The following HEMK1 variants were observed in gnomAD, a reference collection of about 807,000 sequenced individuals.
HEMK1 encodes MTRF1L release factor glutamine methyltransferase.
In HEMK1, 36 loss-of-function variants were observed where a neutral mutation model predicts 47.9. That is an observed-to-expected ratio of 0.75 (90% CI 0.58 to 0.99). The LOEUF is 0.99. Ranked by LOEUF, HEMK1 falls within the 50% of genes least tolerant of loss-of-function variation. The pLI is 0.00. For missense variants in HEMK1, 383 were observed against 434.5 expected (o/e 0.88, Z 1.05); for synonymous variants, 153 against 165.4 (o/e 0.93, Z 0.57).
intron 4 of HEMK1, 27 bp downstream of exon 4, chr3:50,572,235 G>T (rs1701077710): frequency 6.2e-7 from 1 of 1,604,788 alleles, no homozygotes; most frequent in East Asian, 2.3e-5. Flanking sequence ...GGCAAGGCAG[G>T]ATCAGGATGA....
intron 7 of HEMK1, among the ~76,000 whole-genome samples, chr3:50,578,113 A>C (rs918114383): frequency 7.2e-5 from 11 of 152,218 alleles, no homozygotes; most frequent in Non-Finnish European, 1.6e-4. Context: ...GACCAGCCAC[A>C]GAGAACTTCC....
intron 4 of HEMK1, among the ~76,000 whole-genome samples, chr3:50,572,633 G>A (rs1376979054): frequency 6.6e-6 from 1 of 152,216 alleles, no homozygotes; most frequent in Admixed American, 6.5e-5. Context: ...GCAACCTTGG[G>A]CAGGTCACTG....
chr3:50,577,873 C>T lies in HEMK1; in HGVS notation c.662C>T (p.Ser221Leu), dbSNP rs1231631565. 3 of 1,614,038 alleles carry T rather than the reference C, an allele frequency of 1.9e-6. No homozygotes were observed. Among genetic ancestry groups the T allele is most frequent in the South Asian group, 2.2e-5 (2 of 91,076 alleles). Residue 221 changes from serine (S) to leucine (L), a missense_variant and splice_region_variant, in exon 7 of 11, where the codon TCA (serine) becomes TTA (leucine). By Grantham distance (145) the Ser-to-Leu change is moderately radical. Coordinates refer to ENST00000232854, the MANE Select transcript of HEMK1 (RefSeq NM_016173.5). Reference protein sequence around the residue: ...RIWIIHLDMTSERSWTHLPWG... With the variant: ...RIWIIHLDMTLERSWTHLPWG... ...TGGATCATCCACCTCGACATGACCT[C>T]AGGTACCCTCCCCTGCATGTTCCTT...
In HEMK1 at chr3:50,586,359, G is replaced by A. The variant is rs1052511098; in HGVS notation, c.*5942G>A. ...CTCACAAAGTGGGAAAGGCAGGGAA[G>A]CCTACCTCAGCTTCATGGAAAGCCC... On this transcript the variant is annotated 3_prime_UTR_variant, in exon 11 of 11. Coordinates refer to ENST00000232854, the MANE Select transcript of HEMK1 (RefSeq NM_016173.5). 4.6e-5 allele frequency: 7 copies of A among 152,296 alleles called. No homozygotes were observed. Among genetic ancestry groups the A allele is most frequent in the Non-Finnish European group, 1.0e-4 (7 of 68,088 alleles). 9.4% of individuals were successfully genotyped at this position (152,296 alleles called of 1,614,324 possible).
intron 9 of HEMK1, 72 bp from the exon 10 acceptor site, chr3:50,580,044 C>T: frequency 3.3e-6 from 5 of 1,538,224 alleles, no homozygotes; most frequent in Non-Finnish European, 4.5e-6. Context: ...CCTCACCTCG[C>T]CAGCCCAAGC....
In HEMK1 at chr3:50,578,707, C is replaced by G. The variant is rs2030212428; in HGVS notation, c.665-114C>G. The G allele has an allele frequency of 7.2e-6, 5 of 694,976 alleles. No homozygotes were observed. The Admixed American group carries it at 1.3e-4, about 18-fold the overall frequency. 43.1% of individuals were successfully genotyped at this position (694,976 alleles called of 1,614,324 possible). A position where few individuals can be genotyped will look rare whatever the true frequency, so the allele number is the denominator to read the frequency against. On this transcript the variant is annotated intron_variant, in intron 7 of 10. Coordinates refer to ENST00000232854, the MANE Select transcript of HEMK1 (RefSeq NM_016173.5). ...ATTTGCAGGTCTGGCTTATCAGATC[C>G]AGAGGCAGGCCCAAGGTGTGGCATG...
intron 1 of HEMK1, chr3:50,570,034 G>T (rs1700752970): frequency 6.6e-6 from 1 of 152,188 alleles, no homozygotes; most frequent in Non-Finnish European, 1.5e-5. Context: ...TAGAGACAGG[G>T]TTTCACCATG....
In HEMK1 at chr3:50,590,650, C is replaced by T. The variant is rs370529326; in HGVS notation, c.*10233C>T. 2.0e-5 allele frequency: 3 copies of T among 152,196 alleles called. No homozygotes were observed. The highest frequency in any genetic ancestry group is 1.3e-4 in the Admixed American group (2 of 15,292). 9.4% of individuals were successfully genotyped at this position (152,196 alleles called of 1,614,324 possible). On this transcript the variant is annotated 3_prime_UTR_variant, in exon 11 of 11. Transcript: ENST00000232854. Reference sequence around the variant, plus strand: ...ATGCCCCACGTGACCATTCCCTTCCCGGAGGTCTGCCCCAACTGCTCCAGC... The same window carrying T: ...ATGCCCCACGTGACCATTCCCTTCCTGGAGGTCTGCCCCAACTGCTCCAGC...
chr3:50,577,785 G>A (rs1264235851), intron 6 of HEMK1, 41 bp from the exon 7 acceptor site: 1 of 1,602,120 alleles, frequency 6.2e-7, no homozygotes. Flanking sequence ...GAAGGGTAGG[G>A]GTCTGCCCCC....
At position 50,580,390 on chromosome 3, in the gene HEMK1, C is replaced by T. The variant is rs1330976997; in HGVS notation, c.990C>T (p.Phe330=). 6.2e-7 allele frequency: 1 copy of T among 1,614,176 alleles called. No individual in the cohort carries two copies. Among genetic ancestry groups the T allele is most frequent in the South Asian group, 1.1e-5 (1 of 91,082 alleles). ...VRRDFCGRPR[F]LHIRRSGP ...GTCCCTGTCTCCTCAGGCCCCGGTT[C>T]CTGCATATCCGGAGGTCTGGGCCAT... The change falls in exon 11 of 11, where the codon TTC becomes TTT. Residue 330 remains phenylalanine, a synonymous_variant. Transcript: ENST00000232854.
chr3:50,577,414 C>A, intron 5 of HEMK1, 95 bp from the exon 6 acceptor site: 1 of 1,285,038 alleles, frequency 7.8e-7, no homozygotes, highest in Non-Finnish European at 1.1e-6. Flanking sequence ...CCCTTCTCTT[C>A]TGGTGGGGGG....
chr3:50,573,633 T>G (rs1038493066), intron 4 of HEMK1, among the ~76,000 whole-genome samples: 2 of 152,228 alleles, frequency 1.3e-5, no homozygotes, highest in Admixed American at 6.5e-5. Flanking sequence ...GGTGCTCATC[T>G]TGCTGTGCAG....
rs1317076467 is a variant in HEMK1, at chr3:50,585,611, T to G, written c.*5194T>G. 2 of 152,218 alleles carry G rather than the reference T, an allele frequency of 1.3e-5. No individual in the cohort carries two copies. The highest frequency in any genetic ancestry group is 1.5e-5 in the Non-Finnish European group (1 of 68,058). 9.4% of individuals were successfully genotyped at this position (152,218 alleles called of 1,614,324 possible). ...ACCCAGGAGCCACATGGAGAGCTAC[T>G]GGGAGGCCAGACATGGGCCTCATGC... On this transcript the variant is annotated 3_prime_UTR_variant, in exon 11 of 11. Transcript: ENST00000232854.
chr3:50,595,905 A>G lies in HEMK1; in HGVS notation c.*15488A>G, dbSNP rs1357739449. ...GAAGAGGTTTCCACACCTGGGATTG[A>G]TACTGCTGGGACTCCAGGGCAGGTG... is the stretch of plus-strand genomic sequence containing the variant. On this transcript the variant is annotated 3_prime_UTR_variant, in exon 11 of 11. Transcript: ENST00000232854. 1 of 152,182 alleles carries G rather than the reference A, an allele frequency of 6.6e-6. No individual in the cohort carries two copies. The highest frequency in any genetic ancestry group is 2.4e-5 in the African/African-American group (1 of 41,450). 9.4% of individuals were successfully genotyped at this position (152,182 alleles called of 1,614,324 possible).
intron 4 of HEMK1, among the ~76,000 whole-genome samples, chr3:50,572,829 C>T (rs1037633128): frequency 2.0e-5 from 3 of 152,210 alleles, no homozygotes; most frequent in South Asian, 2.1e-4. Context: ...CTGGAAGAGA[C>T]GCTTTATATG....
In HEMK1 at chr3:50,586,062, A is replaced by T. The variant is rs1280970536; in HGVS notation, c.*5645A>T. On this transcript the variant is annotated 3_prime_UTR_variant, in exon 11 of 11. Transcript: ENST00000232854. ...GGGTGTGCAGACAGATCTGAGTCCC[A>T]TCTGAAGCTCTGGTAGCTGTGGGAG... The T allele has an allele frequency of 6.6e-6, 1 of 152,224 alleles. No homozygotes were observed. Among genetic ancestry groups the T allele is most frequent in the Non-Finnish European group, 1.5e-5 (1 of 68,060 alleles). The allele number at this position is 152,224 out of a possible 1,614,324, so 9.4% of individuals were successfully genotyped here.
At position 50,592,187 on chromosome 3, in the gene HEMK1, G is replaced by C. The variant is rs2031760642; in HGVS notation, c.*11770G>C. The C allele has an allele frequency of 1.3e-5, 2 of 152,052 alleles. No homozygotes were observed. Among genetic ancestry groups the C allele is most frequent in the Non-Finnish European group, 2.9e-5 (2 of 68,022 alleles). The allele number at this position is 152,052 out of a possible 1,614,324, so 9.4% of individuals were successfully genotyped here. ...AGTGTCACACAGCAAGGTGAGGCAG[G>C]TCTGGGAGGGAAATGAACCAGACCT... On this transcript the variant is annotated 3_prime_UTR_variant, in exon 11 of 11. Transcript: ENST00000232854.
In HEMK1 at chr3:50,593,402, G is replaced by A. The variant is rs2107547403; in HGVS notation, c.*12985G>A. ...TTTGGTGGGCTAAGGGTGGGCAGGAGAATACAACTCACAGCCAAGCGGAAG... is the reference window on the plus strand; with the variant it reads ...TTTGGTGGGCTAAGGGTGGGCAGGAAAATACAACTCACAGCCAAGCGGAAG... On this transcript the variant is annotated 3_prime_UTR_variant, in exon 11 of 11. Transcript: ENST00000232854. 6.6e-6 allele frequency: 1 copy of A among 152,276 alleles called. No homozygotes were observed. Among genetic ancestry groups the A allele is most frequent in the East Asian group, 1.9e-4 (1 of 5,182 alleles). 9.4% of individuals were successfully genotyped at this position (152,276 alleles called of 1,614,324 possible).
rs2030858508 is a variant in HEMK1 at position 50,581,890 on chromosome 3, C to G, written c.*1473C>G. ...CCAGCTGCATGGACTCTGAGCTGCC[C>G]CTGGCTTCCTTTAAGGAGGCTGCTC... On this transcript the variant is annotated 3_prime_UTR_variant, in exon 11 of 11. Transcript: ENST00000232854. The G allele has an allele frequency of 6.6e-6, 1 of 152,332 alleles. No homozygotes were observed. The highest frequency in any genetic ancestry group is 1.5e-5 in the Non-Finnish European group (1 of 68,146). The allele number at this position is 152,332 out of a possible 1,614,324, so 9.4% of individuals were successfully genotyped here. A position where few individuals can be genotyped will look rare whatever the true frequency, so the allele number is the denominator to read the frequency against.
Sources: gnomAD v4.1 joint callset for allele counts (sites outside exome capture counted in the v4.1 genomes callset) on GRCh38, gnomAD v4.1.1 for gene constraint, MANE v1.5 for transcripts, NCBI Gene and HGNC (gene_info 2026-07-23, HGNC 2026-07-21) for gene names.